RUVBL1: variants seen among roughly 807,000 people sequenced by gnomAD.
The protein encoded by RUVBL1 is ruvB-like 1.
A neutral mutation model predicts 52.4 loss-of-function variants in RUVBL1; 4 were observed. The observed-to-expected ratio is 0.08, with a 90% CI of 0.04 to 0.17. The LOEUF (loss-of-function observed/expected upper bound fraction) is 0.17, where lower values mean the gene tolerates loss of function less well. Among genes scored for constraint, RUVBL1 ranks in the 10% least tolerant of loss-of-function variants. The pLI, the probability that RUVBL1 is intolerant of heterozygous loss-of-function variation, is 1.00. For missense variants in RUVBL1, 298 were observed against 572.8 expected (o/e 0.52, Z 4.90); for synonymous variants, 217 against 214.4 (o/e 1.01, Z -0.10).
chr3:128,107,978 G>T (rs1307329701), intron 3 of RUVBL1, among the ~76,000 whole-genome samples: 4 of 152,224 alleles, frequency 2.6e-5, no homozygotes, highest in African/African-American at 9.6e-5. Context: ...TTTAGAAGTT[G>T]CTCTGTGCTG....
rs534397545 is a variant in RUVBL1 at position 128,067,932 on chromosome 3, A to G, written c.940-2712T>C. ...CTGTTCAGTACCACTTGGAATGCCT[A>G]TTTCCCCTTCAGCCTCCAATTCCAA... On this transcript the variant is annotated intron_variant, in intron 9 of 9. Coordinates refer to the RUVBL1 transcript ENST00000464873. The surrounding 1 kb of genome is among the most constrained non-coding windows in gnomAD (Gnocchi z 4.1). The G allele has an allele frequency of 3.1e-5, 45 of 1,454,920 alleles. No individual in the cohort carries two copies. The South Asian group carries it at 4.4e-4, about 14-fold the overall frequency. 90.1% of individuals were successfully genotyped at this position (1,454,920 alleles called of 1,614,324 possible).
chr3:128,145,560 G>A (rs1312500134), intron 1 of RUVBL1, among the ~76,000 whole-genome samples: 1 of 152,190 alleles, frequency 6.6e-6, no homozygotes, highest in East Asian at 1.9e-4. Context: ...GTGTTGGGGT[G>A]GGGTGGATGG....
At chr3:128,079,655 G>A (rs2107667012), downstream of RUVBL1, among the ~76,000 whole-genome samples, 1 of 152,338 alleles carries the variant, frequency 6.6e-6, no homozygotes. Context: ...CCACTGCTGT[G>A]CATGCCAGTG....
chr3:128,133,039 C>A (rs1324847051), intron 1 of RUVBL1, among the ~76,000 whole-genome samples: 3 of 152,116 alleles, frequency 2.0e-5, no homozygotes, highest in Non-Finnish European at 1.5e-5. Context: ...CCAGGCCCAG[C>A]AGTATTCAAC....
At chr3:128,089,205 A>G (rs552068138) in intron 8 of RUVBL1, among the ~76,000 whole-genome samples, 1 of 152,150 alleles carries the variant, frequency 6.6e-6, no homozygotes, top group Non-Finnish European at 1.5e-5. Flanking sequence ...TCTTTTGCCT[A>G]TTTTTCTCTT....
chr3:128,088,078 A>C (rs866176653), intron 8 of RUVBL1, among the ~76,000 whole-genome samples: 5 of 152,076 alleles, frequency 3.3e-5, no homozygotes, highest in African/African-American at 7.2e-5. Flanking sequence ...GCTGGCCAAC[A>C]TGTTGAAACC....
At chr3:128,119,520 A>C in intron 1 of RUVBL1, 106 bp from the exon 2 acceptor site, 2 of 830,320 alleles carry the variant, frequency 2.4e-6, no homozygotes, top group Non-Finnish European at 3.8e-6. Context: ...TCCAACTAAC[A>C]CTGAGTGCCA....
intron 1 of RUVBL1, among the ~76,000 whole-genome samples, chr3:128,136,884 C>G (rs992444276): frequency 4.6e-5 from 7 of 152,110 alleles, no homozygotes; most frequent in Admixed American, 6.5e-5. Flanking sequence ...TATATGCATC[C>G]AACATTCGAT....
At chr3:128,096,471 TG>T (rs1209767446) in intron 8 of RUVBL1, among the ~76,000 whole-genome samples, 1 of 151,930 alleles carries the variant, frequency 6.6e-6, no homozygotes, top group Non-Finnish European at 1.5e-5. Context: ...GCCAAAGGGA[TG>T]GGAAAGAGTG....
At chr3:128,096,314 T>C (rs1398769967) in intron 8 of RUVBL1, among the ~76,000 whole-genome samples, 1 of 152,126 alleles carries the variant, frequency 6.6e-6, no homozygotes, top group Non-Finnish European at 1.5e-5. Flanking sequence ...GATGGGGTGT[T>C]CTCCAGGACC....
At position 128,149,149 on chromosome 3, in the gene RUVBL1, G is replaced by A. The variant is rs1000629939; in HGVS notation, c.-40+4054C>T. On this transcript the variant is annotated intron_variant, in intron 1 of 9. Transcript: ENST00000464873. Reference sequence around the variant, plus strand: ...TCTTTCTTTTCTTTTTGGTAGCTTTGTATCTGATATAATTTCTCTTCTTTC... The same window carrying A: ...TCTTTCTTTTCTTTTTGGTAGCTTTATATCTGATATAATTTCTCTTCTTTC... Among the ~76,000 whole-genome samples, 9 of 144,100 alleles carry A rather than the reference G, an allele frequency of 6.2e-5. 1 individual carries two copies. The highest frequency in any genetic ancestry group is 1.4e-4 in the Non-Finnish European group (9 of 65,610). The allele number at this position is 144,100 out of a possible 152,430, so 94.5% of individuals were successfully genotyped here.
At chr3:128,065,031 T>C in exon 10 of RUVBL1, 1 of 1,614,246 alleles carries the variant, frequency 6.2e-7, no homozygotes, top group Non-Finnish European at 8.5e-7. Flanking sequence ...TGGTCATCTA[T>C]TTCCAGGTGT....
chr3:128,119,709 T>C lies in RUVBL1; in HGVS notation c.142-295A>G, dbSNP rs571726288. On this transcript the variant is annotated intron_variant, in intron 1 of 10. Transcript: ENST00000322623. ...GAGAGAACGAGTGGCTAGAAAGTGA[T>C]CCTGGAGTGTCTTTCTGATGACATT... Among the ~76,000 whole-genome samples the C allele has an allele frequency of 2.5e-4, 38 of 152,340 alleles. 1 individual carries two copies. The South Asian group carries it at 7.0e-3, about 28-fold the overall frequency.
chr3:128,135,363 T>C (rs993259361), intron 1 of RUVBL1, among the ~76,000 whole-genome samples: 2 of 152,144 alleles, frequency 1.3e-5, no homozygotes, highest in Non-Finnish European at 2.9e-5. Context: ...TGAAACCTCA[T>C]ATCTATTAAA....
intron 1 of RUVBL1, among the ~76,000 whole-genome samples, chr3:128,150,369 G>A (rs1944167698): frequency 6.6e-6 from 1 of 151,518 alleles, no homozygotes; most frequent in Admixed American, 6.6e-5. Context: ...CTAAGCCCAG[G>A]CTACAGACTC....
At chr3:128,153,045 C>T (rs1455724589) in intron 1 of RUVBL1, among the ~76,000 whole-genome samples, 2 of 123,208 alleles carry the variant, frequency 1.6e-5, no homozygotes, top group African/African-American at 6.4e-5. Context: ...CCTATCAGAG[C>T]GCCCTTTTTT....
In RUVBL1 at chr3:128,081,375, G is replaced by A; in HGVS notation, c.1246C>T (p.Leu416Phe). The A allele has an allele frequency of 6.2e-7, 1 of 1,614,174 alleles. No homozygotes were observed. Among genetic ancestry groups the A allele is most frequent in the Non-Finnish European group, 8.5e-7 (1 of 1,180,002 alleles). Residue 416 changes from leucine (L) to phenylalanine (F), a missense_variant, in exon 11 of 11, where the codon CTT (leucine) becomes TTT (phenylalanine). By Grantham distance (22) the Leu-to-Phe change is conservative. This residue lies in a region of RUVBL1 where 161 missense variants were observed against 298.3 expected (regional missense o/e 0.54). Coordinates refer to ENST00000322623, the MANE Select transcript of RUVBL1 (RefSeq NM_003707.3). The surrounding 1 kb of genome is among the most constrained non-coding windows in gnomAD (Gnocchi z 4.8). The part of the protein sequence containing the change: ...SVQLLTPANL[L>F]AKINGKDSIE... The stretch of plus-strand genomic sequence containing the variant: ...CTGTCCTTCCCGTTGATTTTAGCAA[G>A]CAAGTTGGCCGGGGTCAGCAGCTGC...
At position 128,069,473 on chromosome 3, in the gene RUVBL1, C is replaced by T; in HGVS notation, c.940-4253G>A. ...CAGGAGCTGACTGTGTCCCCTCCCC[C>T]AGGTACATCCCCACAGCCGCGGCCT... On this transcript the variant is annotated intron_variant, in intron 9 of 9. Coordinates refer to the RUVBL1 transcript ENST00000464873. 1 of 1,609,612 alleles carries T rather than the reference C, an allele frequency of 6.2e-7. No individual in the cohort carries two copies. The highest frequency in any genetic ancestry group is 8.5e-7 in the Non-Finnish European group (1 of 1,179,730).
intron 3 of RUVBL1, among the ~76,000 whole-genome samples, chr3:128,107,442 G>T (rs140806305): frequency 6.6e-6 from 1 of 152,208 alleles, no homozygotes; most frequent in Non-Finnish European, 1.5e-5. Flanking sequence ...AGCTACCTCC[G>T]TTCTGATATG....
Sources: gnomAD v4.1 joint callset for allele counts (sites outside exome capture counted in the v4.1 genomes callset) on GRCh38, gnomAD v4.1.1 for gene constraint, gnomAD v4.1.1 regional missense constraint, Gnocchi (gnomAD v3.1) non-coding constraint, MANE v1.5 for transcripts, NCBI Gene and HGNC (gene_info 2026-07-23, HGNC 2026-07-21) for gene names.